The following HIGD1C variants were observed in gnomAD, a reference collection of about 807,000 sequenced individuals.
HIGD1C encodes HIG1 hypoxia inducible domain family member 1C.
A neutral mutation model predicts 13.1 loss-of-function variants in HIGD1C; 11 were observed. The observed-to-expected ratio is 0.84, with a 90% CI of 0.53 to 1.39. The LOEUF is 1.39. HIGD1C is among the 40% of genes most tolerant of loss of function. The pLI, the probability that HIGD1C is intolerant of heterozygous loss-of-function variation, is 0.00. For synonymous variants in HIGD1C, 36 were observed against 37.7 expected (o/e 0.95, Z 0.17); for missense variants, 110 against 112.0 (o/e 0.98, Z 0.08).
downstream of HIGD1C, among the ~76,000 whole-genome samples, chr12:50,972,551 G>C (rs1306311629): frequency 6.6e-6 from 1 of 152,208 alleles, no homozygotes; most frequent in East Asian, 1.9e-4. Context: ...CCAGTCTACA[G>C]CTCCCAGCAT....
At chr12:50,964,864 T>C (rs564809513) in intron 2 of HIGD1C, among the ~76,000 whole-genome samples, 1 of 152,314 alleles carries the variant, frequency 6.6e-6, no homozygotes, top group African/African-American at 2.4e-5. Flanking sequence ...TAAATGGGGA[T>C]GTTTTAGGAA....
intron 2 of HIGD1C, among the ~76,000 whole-genome samples, chr12:50,963,929 G>A (rs893742494): frequency 1.4e-4 from 21 of 152,162 alleles, no homozygotes; most frequent in African/African-American, 5.1e-4. Flanking sequence ...AATAAAGACA[G>A]TGTCAAAATC....
intron 1 of HIGD1C, among the ~76,000 whole-genome samples, chr12:50,955,286 G>A (rs754664759): frequency 6.6e-6 from 1 of 152,054 alleles, no homozygotes; most frequent in African/African-American, 2.4e-5. Context: ...ACTATAATTA[G>A]ATCACCTAAT....
At chr12:50,954,244 G>T (rs947201610) in intron 1 of HIGD1C, 152 bp downstream of exon 3, 4 of 518,036 alleles carry the variant, frequency 7.7e-6, no homozygotes, top group Non-Finnish European at 1.4e-5. Context: ...TTTCAGAATA[G>T]TTCCTAATAC....
chr12:50,936,981 T>C, the HIGD1C span, among the ~76,000 whole-genome samples: 2 of 152,246 alleles, frequency 1.3e-5, no homozygotes, highest in Non-Finnish European at 2.9e-5. Flanking sequence ...CTTTGAGAAA[T>C]CTCTTATCAC....
chr12:50,970,741 C>T (rs541052275), downstream of HIGD1C, among the ~76,000 whole-genome samples: 7 of 152,258 alleles, frequency 4.6e-5, no homozygotes, highest in African/African-American at 1.7e-4. Flanking sequence ...GATTTTCTGA[C>T]TTAATTTTTT....
chr12:50,960,457 C>T (rs1939281998), intron 1 of HIGD1C, among the ~76,000 whole-genome samples: 1 of 152,178 alleles, frequency 6.6e-6, no homozygotes, highest in Admixed American at 6.5e-5. Flanking sequence ...AGTTACTACA[C>T]TATATGGTTC....
intron 2 of HIGD1C, among the ~76,000 whole-genome samples, chr12:50,962,418 A>C (rs1010614217): frequency 4.0e-5 from 6 of 150,242 alleles, no homozygotes; most frequent in Non-Finnish European, 8.9e-5. Flanking sequence ...TCTAAAAAAA[A>C]GCCAGGCACG....
chr12:50,965,259 G>A (rs1167036295), intron 2 of HIGD1C, among the ~76,000 whole-genome samples: 1 of 151,276 alleles, frequency 6.6e-6, no homozygotes, highest in Non-Finnish European at 1.5e-5. Flanking sequence ...GACTACACGT[G>A]TGCACCACCA....
chr12:50,962,083 G>A (rs534186843), intron 2 of HIGD1C, among the ~76,000 whole-genome samples: 47 of 152,236 alleles, frequency 3.1e-4, no homozygotes, highest in African/African-American at 9.9e-4. Context: ...TATAGATGCC[G>A]TGACAGAAAT....
At chr12:50,948,865 AGG>A in the HIGD1C span, among the ~76,000 whole-genome samples, 2 of 9,010 alleles carry the variant, frequency 2.2e-4, no homozygotes, top group African/African-American at 6.4e-4. Flanking sequence ...AGCGAGGAGG[AGG>A]GGGGAGGGGA....
chr12:50,936,159 CA>C, the HIGD1C span, among the ~76,000 whole-genome samples: 2,252 of 129,202 alleles, frequency 0.017, 62 homozygotes, highest in South Asian at 0.071. Context: ...AACACCGTCT[CA>C]AAAAAAAAAA....
chr12:50,946,864 A>C, the HIGD1C span, among the ~76,000 whole-genome samples: 1 of 152,206 alleles, frequency 6.6e-6, no homozygotes, highest in South Asian at 2.1e-4. Flanking sequence ...CATATGTAAA[A>C]AACCTGCATG....
At chr12:50,959,522 AT>A (rs1359555088) in intron 1 of HIGD1C, among the ~76,000 whole-genome samples, 6 of 151,822 alleles carry the variant, frequency 4.0e-5, no homozygotes, top group East Asian at 3.9e-4. Context: ...TTATCCAAAA[AT>A]TTTTTTTCAG....
At chr12:50,948,857 CGAGGAGGAGGGGGGAGGG>C in the HIGD1C span, among the ~76,000 whole-genome samples, 1 of 34,364 alleles carries the variant, frequency 2.9e-5, no homozygotes, top group Non-Finnish European at 5.0e-5. Flanking sequence ...GGCGACAGAG[CGAGGAGGAGGGGGGAGGG>C]GAGGGGGAGG....
chr12:50,963,196 C>G (rs1939405669), intron 2 of HIGD1C, among the ~76,000 whole-genome samples: 1 of 151,188 alleles, frequency 6.6e-6, no homozygotes, highest in Admixed American at 6.6e-5. Context: ...ATGGTGAAAC[C>G]CCATCTCTAC....
chr12:50,959,208 C>T (rs1274690652), intron 1 of HIGD1C, among the ~76,000 whole-genome samples: 4 of 152,050 alleles, frequency 2.6e-5, no homozygotes, highest in African/African-American at 9.7e-5. Flanking sequence ...CAACCTCTGC[C>T]TCCCGGGTTC....
chr12:50,969,790 C>G (rs1939693982), intron 2 of HIGD1C, among the ~76,000 whole-genome samples: 1 of 151,826 alleles, frequency 6.6e-6, no homozygotes, highest in South Asian at 2.1e-4. Flanking sequence ...ATTTCAAGAT[C>G]TGATGCCTTG....
At chr12:50,969,298 A>C (rs1299131686) in intron 2 of HIGD1C, among the ~76,000 whole-genome samples, 2 of 148,362 alleles carry the variant, frequency 1.3e-5, no homozygotes, top group Non-Finnish European at 3.0e-5. Context: ...CATCTCAAAA[A>C]AATAAAATAA....
Sources: gnomAD v4.1 joint callset for allele counts (sites outside exome capture counted in the v4.1 genomes callset) on GRCh38, gnomAD v4.1.1 for gene constraint, MANE v1.5 for transcripts, NCBI Gene and HGNC (gene_info 2026-07-23, HGNC 2026-07-21) for gene names.